ZFP62: variants seen among roughly 807,000 people sequenced by gnomAD.
ZFP62 encodes the protein zinc finger protein 62 homolog.
In ZFP62, 44 loss-of-function variants were observed where a neutral mutation model predicts 56.4. That is an observed-to-expected ratio of 0.78 (90% CI 0.61 to 1.00). The LOEUF (loss-of-function observed/expected upper bound fraction) is 1.00, where lower values mean the gene tolerates loss of function less well. Ranked by LOEUF, ZFP62 falls within the 50% of genes least tolerant of loss-of-function variation. ZFP62 has a pLI of 0.00. For missense variants in ZFP62, 1,030 were observed against 1,085.7 expected (o/e 0.95, Z 0.72); for synonymous variants, 421 against 388.9 (o/e 1.08, Z -0.97).
chr5:180,850,651 C>A lies in ZFP62; in HGVS notation c.844G>T (p.Glu282Ter). 1 of 1,584,584 alleles carries A rather than the reference C, an allele frequency of 6.3e-7. No individual in the cohort carries two copies. The highest frequency in any genetic ancestry group is 8.6e-7 in the Non-Finnish European group (1 of 1,165,174). Residue 282 changes from glutamate to a stop codon, truncating the protein, a stop_gained, in exon 2 of 2, where the codon GAA (glutamate) becomes TAA (stop). Transcript: ENST00000502412. LOFTEE classifies it high-confidence loss of function. ...AAGGTTTTCCCACAGATGTCGCATT[C>A]ATAGGGCTTCTCCCCCGTGTGGATC... Reference protein sequence around the residue: ...KRIHTGEKPYECDICGKTFSN... With the variant: ...KRIHTGEKPY
the ZFP62 span, among the ~76,000 whole-genome samples, chr5:180,838,848 T>C: frequency 1.3e-5 from 2 of 152,246 alleles, no homozygotes; most frequent in African/African-American, 4.8e-5. Flanking sequence ...TGTTACAATA[T>C]TTTTGGAGAG....
At chr5:180,832,857 T>G in the ZFP62 span, 2 of 152,232 alleles carry the variant, frequency 1.3e-5, no homozygotes, top group East Asian at 3.8e-4. Context: ...ACAAAGCCCT[T>G]CAGGTGATTC....
rs780938678 is a variant in ZFP62 at position 180,850,441 on chromosome 5, G to A, written c.1054C>T (p.Leu352Phe). The A allele has an allele frequency of 2.8e-5, 44 of 1,553,998 alleles. No individual in the cohort carries two copies. Among genetic ancestry groups the A allele is most frequent in the Non-Finnish European group, 3.7e-5 (43 of 1,148,420 alleles). Residue 352 changes from leucine (L) to phenylalanine (F), a missense_variant, in exon 2 of 2, where the codon CTC becomes TTC. Physicochemically the swap from Leu to Phe is conservative, Grantham distance 22. Coordinates refer to ENST00000502412, the MANE Select transcript of ZFP62 (RefSeq NM_001172638.2). ...GTGTGGATGACTTTATGCTGAATGAGAAGAGAGCTATAATTAAAAGATTTC... is the reference window on the plus strand; with the variant it reads ...GTGTGGATGACTTTATGCTGAATGAAAAGAGAGCTATAATTAAAAGATTTC... Reference protein sequence around the residue: ...CEKSFNYSSLLIQHKVIHTGE... With the variant: ...CEKSFNYSSLFIQHKVIHTGE...
At chr5:180,843,673 ATATC>A (rs1237025854), downstream of ZFP62, among the ~76,000 whole-genome samples, 9 of 152,380 alleles carry the variant, frequency 5.9e-5, no homozygotes, top group African/African-American at 9.6e-5. Flanking sequence ...TCACAGAACT[ATATC>A]TAAGTAGAGA....
chr5:180,830,585 G>C, the ZFP62 span: 1 of 152,146 alleles, frequency 6.6e-6, no homozygotes, highest in Non-Finnish European at 1.5e-5. Flanking sequence ...TACTCGGGTG[G>C]CTGGGTGAGG....
chr5:180,836,827 T>TAAAA, the ZFP62 span, among the ~76,000 whole-genome samples: 3 of 152,346 alleles, frequency 2.0e-5, no homozygotes, highest in East Asian at 5.8e-4. Flanking sequence ...GCAGAGGCAG[T>TAAAA]AAGTAGGGAC....
intron 1 of ZFP62, 60 bp downstream of exon 1, chr5:180,861,159 G>A (rs1276883413): frequency 2.5e-6 from 1 of 398,560 alleles, no homozygotes; most frequent in Non-Finnish European, 4.4e-6. Context: ...GGCCAAAAAG[G>A]GGAGGGCGTG....
downstream of ZFP62, among the ~76,000 whole-genome samples, chr5:180,843,041 C>CA (rs71281063): frequency 0.019 from 1,099 of 57,884 alleles, 15 homozygotes; most frequent in African/African-American, 0.056. Flanking sequence ...AGACTGTCTC[C>CA]AAAAAAAAAA....
chr5:180,850,620 T>C lies in ZFP62; in HGVS notation c.875A>G (p.Asn292Ser). The C allele has an allele frequency of 6.4e-7, 1 of 1,570,470 alleles. No homozygotes were observed. Among genetic ancestry groups the C allele is most frequent in the Non-Finnish European group, 8.6e-7 (1 of 1,157,686 alleles). ...TTTATGGACCCTAAGGCCAGAGCTG[T>C]TACTGAAGGTTTTCCCACAGATGTC... ...ECDICGKTFS[N>S]SSGLRVHKRI... The change falls in exon 2 of 2, where the codon AAC (asparagine) becomes AGC (serine). Residue 292 changes from asparagine (N) to serine (S), a missense_variant. Coordinates refer to ENST00000502412, the MANE Select transcript of ZFP62 (RefSeq NM_001172638.2).
chr5:180,856,472 G>A (rs1773978392), intron 1 of ZFP62, among the ~76,000 whole-genome samples: 1 of 152,138 alleles, frequency 6.6e-6, no homozygotes, highest in South Asian at 2.1e-4. Context: ...TACTGGAGAT[G>A]CATTCTAGGG....
At position 180,850,381 on chromosome 5, in the gene ZFP62, T is replaced by C. The variant is rs1773629190; in HGVS notation, c.1114A>G (p.Lys372Glu). 6.4e-7 allele frequency: 1 copy of C among 1,564,968 alleles called. No individual in the cohort carries two copies. The highest frequency in any genetic ancestry group is 2.4e-5 in the East Asian group (1 of 42,072). ...AGGCCTGAGCTGTTCCTGAAAGCCT[T>C]CCCACATTCATCACATTCATAAGGT... ...EKPYECDECG[K>E]AFRNSSGLIV... Residue 372 changes from lysine (K) to glutamate (E), a missense_variant, in exon 2 of 2, where the codon AAG (lysine) becomes GAG (glutamate). Physicochemically the swap from Lys to Glu is moderately conservative, Grantham distance 56. Transcript: ENST00000502412.
chr5:180,842,450 G>A, the ZFP62 span, among the ~76,000 whole-genome samples: 26 of 152,066 alleles, frequency 1.7e-4, no homozygotes, highest in Non-Finnish European at 3.2e-4. Flanking sequence ...GGAATAAACC[G>A]AAGATTAAAA....
At chr5:180,827,651 G>GA in the ZFP62 span, among the ~76,000 whole-genome samples, 1 of 152,336 alleles carries the variant, frequency 6.6e-6, no homozygotes, top group African/African-American at 2.4e-5. Context: ...CATGGGAAGG[G>GA]AAAGACCTGA....
At chr5:180,831,607 G>C in the ZFP62 span, 1 of 152,568 alleles carries the variant, frequency 6.6e-6, no homozygotes, top group African/African-American at 2.4e-5. Context: ...AGGCCCAGCA[G>C]GGGGCGGGGA....
chr5:180,855,018 T>C (rs1773897599), intron 1 of ZFP62, among the ~76,000 whole-genome samples: 1 of 152,216 alleles, frequency 6.6e-6, no homozygotes, highest in Non-Finnish European at 1.5e-5. Context: ...ATTTACTCAA[T>C]TTGAAAACTT....
At chr5:180,858,257 C>CAAAA (rs1159409435) in intron 1 of ZFP62, among the ~76,000 whole-genome samples, 157 of 39,742 alleles carry the variant, frequency 4.0e-3, no homozygotes, top group Non-Finnish European at 5.9e-3. Context: ...AACTCTGTCT[C>CAAAA]AAAAAAAAAA....
rs979169917 is a variant in ZFP62 at position 180,848,182 on chromosome 5, G to T, written c.*610C>A. 6.1e-6 allele frequency: 6 copies of T among 984,892 alleles called. No individual in the cohort carries two copies. Among genetic ancestry groups the T allele is most frequent in the Non-Finnish European group, 7.2e-6 (6 of 829,626 alleles). 61.0% of individuals were successfully genotyped at this position (984,892 alleles called of 1,614,324 possible). ...CTCTCTCCTATCTCCTGTTAGACTTGTAAGTCTATGCTTTCTACTTTTCCT... is the reference window on the plus strand; with the variant it reads ...CTCTCTCCTATCTCCTGTTAGACTTTTAAGTCTATGCTTTCTACTTTTCCT... On this transcript the variant is annotated 3_prime_UTR_variant, in exon 2 of 2. Transcript: ENST00000502412.
the ZFP62 span, among the ~76,000 whole-genome samples, chr5:180,842,426 AAC>A: frequency 1.3e-5 from 2 of 152,224 alleles, no homozygotes; most frequent in Non-Finnish European, 2.9e-5. Context: ...ACCAAAATAA[AAC>A]ACAGTGAAAC....
chr5:180,856,814 C>T (rs2113711313), intron 1 of ZFP62, among the ~76,000 whole-genome samples: 1 of 151,788 alleles, frequency 6.6e-6, no homozygotes, highest in Middle Eastern at 3.4e-3. Context: ...AATGGCCGGG[C>T]ATGGTGGTGG....
Sources: gnomAD v4.1 joint callset for allele counts (sites outside exome capture counted in the v4.1 genomes callset) on GRCh38, gnomAD v4.1.1 for gene constraint, MANE v1.5 for transcripts, NCBI Gene and HGNC (gene_info 2026-07-23, HGNC 2026-07-21) for gene names.